PDCL2: variants seen among roughly 807,000 people sequenced by gnomAD.
PDCL2 encodes the protein phosducin-like protein 2.
PDCL2 carries 23 observed loss-of-function variants against 30.3 expected under a neutral mutation model. The observed-to-expected ratio is 0.76, with a 90% confidence interval of 0.55 to 1.08. The LOEUF (loss-of-function observed/expected upper bound fraction) is 1.08, where lower values mean the gene tolerates loss of function less well. Ranked by LOEUF, PDCL2 falls within the 50% of genes least tolerant of loss-of-function variation. The probability of loss-of-function intolerance (pLI) is 0.00; values close to 1 mark genes in which losing one functional copy is unlikely to be tolerated. For synonymous variants in PDCL2, 68 were observed against 86.2 expected, an observed-to-expected ratio of 0.79 and a Z score of 1.17; for missense variants, 243 against 282.3, an observed-to-expected ratio of 0.86 and a Z score of 1.00.
intron 1 of PDCL2, among the ~76,000 whole-genome samples, chr4:55,583,945 G>A (rs1213491506): frequency 2.0e-5 from 3 of 152,036 alleles, no homozygotes; most frequent in Non-Finnish European, 4.4e-5. Flanking sequence ...TGTATAAAAG[G>A]GCATATTGGA....
chr4:55,591,231 T>C (rs923368572), intron 1 of PDCL2, among the ~76,000 whole-genome samples: 1 of 151,770 alleles, frequency 6.6e-6, no homozygotes, highest in African/African-American at 2.4e-5. Flanking sequence ...GTGGTTTTAA[T>C]CTGCAGGAGC....
intron 1 of PDCL2, among the ~76,000 whole-genome samples, chr4:55,589,053 G>A (rs1394271452): frequency 6.6e-6 from 1 of 151,992 alleles, no homozygotes; most frequent in Admixed American, 6.5e-5. Context: ...TAGAGACGGG[G>A]TTTCACCGTG....
At chr4:55,586,758 C>G (rs905538458) in intron 1 of PDCL2, among the ~76,000 whole-genome samples, 2 of 152,118 alleles carry the variant, frequency 1.3e-5, no homozygotes, top group Admixed American at 1.3e-4. Flanking sequence ...TTTTCCACAG[C>G]AGTTGTGCAA....
chr4:55,581,779 C>T (rs1732719198), intron 2 of PDCL2, among the ~76,000 whole-genome samples: 1 of 152,222 alleles, frequency 6.6e-6, no homozygotes, highest in Non-Finnish European at 1.5e-5. Context: ...TCTCAGCTCA[C>T]TGCAAGCTCC....
At chr4:55,560,800 A>G (rs1385048038) in intron 5 of PDCL2, among the ~76,000 whole-genome samples, 3 of 152,126 alleles carry the variant, frequency 2.0e-5, no homozygotes, top group African/African-American at 7.2e-5. Context: ...CTCATCAATG[A>G]AAGAGTGAAC....
At chr4:55,591,522 G>A (rs1467810149) in intron 1 of PDCL2, among the ~76,000 whole-genome samples, 1 of 152,144 alleles carries the variant, frequency 6.6e-6, no homozygotes, top group Non-Finnish European at 1.5e-5. Context: ...AGGTAGCTGG[G>A]GCTACAGGCG....
intron 5 of PDCL2, among the ~76,000 whole-genome samples, chr4:55,559,403 GGA>G (rs1732067447): frequency 6.6e-6 from 1 of 152,262 alleles, no homozygotes; most frequent in Non-Finnish European, 1.5e-5. Flanking sequence ...ATGCTAGACA[GGA>G]GATAAAGTTA....
intron 5 of PDCL2, among the ~76,000 whole-genome samples, chr4:55,561,925 G>C (rs960725318): frequency 2.0e-5 from 3 of 152,110 alleles, no homozygotes; most frequent in Non-Finnish European, 4.4e-5. Flanking sequence ...AGAAGAAAAA[G>C]ATTACGAATT....
At chr4:55,590,797 G>T (rs958233493) in intron 1 of PDCL2, among the ~76,000 whole-genome samples, 1 of 152,068 alleles carries the variant, frequency 6.6e-6, no homozygotes, top group Non-Finnish European at 1.5e-5. Flanking sequence ...CCTCGGCCAT[G>T]AAATTTTATC....
chr4:55,579,446 A>T (rs1732650254), intron 3 of PDCL2, among the ~76,000 whole-genome samples: 1 of 152,106 alleles, frequency 6.6e-6, no homozygotes, highest in South Asian at 2.1e-4. Context: ...CTCCTGCCTC[A>T]GCTTCTCAAG....
intron 1 of PDCL2, among the ~76,000 whole-genome samples, chr4:55,586,387 A>G (rs1240054623): frequency 6.6e-6 from 1 of 152,168 alleles, no homozygotes; most frequent in Non-Finnish European, 1.5e-5. Flanking sequence ...ACTTTCTACC[A>G]TGTATTTGAC....
chr4:55,579,835 T>A (rs556004265), intron 3 of PDCL2, among the ~76,000 whole-genome samples: 7 of 151,478 alleles, frequency 4.6e-5, no homozygotes, highest in Non-Finnish European at 8.8e-5. Flanking sequence ...CAGCCCCAAT[T>A]CACTGGTTTT....
chr4:55,576,281 C>T (rs574697702), intron 3 of PDCL2, among the ~76,000 whole-genome samples: 16 of 152,096 alleles, frequency 1.1e-4, no homozygotes, highest in African/African-American at 2.7e-4. Flanking sequence ...TTATTAGAGA[C>T]GGGGTTTCAC....
At chr4:55,565,090 C>G (rs1051260172) in intron 4 of PDCL2, among the ~76,000 whole-genome samples, 5 of 152,296 alleles carry the variant, frequency 3.3e-5, no homozygotes, top group Admixed American at 2.0e-4. Flanking sequence ...CACACTTAAA[C>G]AATTACCAGC....
chr4:55,592,236 G>A lies in PDCL2; in HGVS notation c.-127C>T. 3.7e-6 allele frequency: 5 copies of A among 1,363,882 alleles called. No individual in the cohort carries two copies. The highest frequency in any genetic ancestry group is 4.2e-5 in the Admixed American group (2 of 47,968). 84.5% of individuals were successfully genotyped at this position (1,363,882 alleles called of 1,614,324 possible). On this transcript the variant is annotated 5_prime_UTR_variant, in exon 1 of 6. Transcript: ENST00000295645. ...TCAGGCCCGGCGGTTTCGAGTGACC[G>A]CCAGAAGAGGGAGAGGCGAACAAGG...
intron 5 of PDCL2, among the ~76,000 whole-genome samples, chr4:55,558,582 A>G (rs549007885): frequency 3.8e-4 from 58 of 152,304 alleles, no homozygotes; most frequent in Non-Finnish European, 6.9e-4. Flanking sequence ...AAAATAGACT[A>G]ATACAATACC....
chr4:55,578,219 G>A (rs1336743573), intron 3 of PDCL2, among the ~76,000 whole-genome samples: 2 of 152,178 alleles, frequency 1.3e-5, no homozygotes, highest in East Asian at 1.9e-4. Flanking sequence ...ATGGCAGTGA[G>A]CCTCTGTCCC....
chr4:55,568,051 G>A (rs578130805), intron 4 of PDCL2, among the ~76,000 whole-genome samples: 7 of 152,178 alleles, frequency 4.6e-5, no homozygotes, highest in East Asian at 1.9e-4. Context: ...CAGGAACTGC[G>A]AAGTATAGCC....
At chr4:55,583,155 T>TA (rs1197073430) in intron 1 of PDCL2, among the ~76,000 whole-genome samples, 1 of 152,078 alleles carries the variant, frequency 6.6e-6, no homozygotes, top group Non-Finnish European at 1.5e-5. Flanking sequence ...TTTGTATTTT[T>TA]ACAGGGTTTC....
Sources: allele counts gnomAD v4.1 joint callset (sites outside exome capture counted in the v4.1 genomes callset), GRCh38; gene constraint gnomAD v4.1.1; transcripts MANE v1.5; gene names NCBI Gene and HGNC (gene_info 2026-07-23, HGNC 2026-07-21).